The following CMTM4 variants were observed in gnomAD, a reference collection of about 807,000 sequenced individuals.
The protein encoded by CMTM4 is CKLF-like MARVEL transmembrane domain-containing protein 4.
Under a neutral mutation model 19.0 loss-of-function variants are expected in CMTM4, and 8 were observed. The observed-to-expected ratio is 0.42, with a 90% CI of 0.25 to 0.76. The LOEUF is 0.76. Ranked by LOEUF, CMTM4 falls within the 30% of genes least tolerant of loss-of-function variation. The pLI is 0.27. For missense variants in CMTM4, 228 were observed against 290.2 expected (o/e 0.79, Z 1.56); for synonymous variants, 106 against 121.1 (o/e 0.88, Z 0.82).
chr16:66,607,886 C>T, the CMTM4 span, among the ~76,000 whole-genome samples: 373 of 151,642 alleles, frequency 2.5e-3, 2 homozygotes, highest in African/African-American at 8.6e-3. Context: ...TCTCTCTCAC[C>T]CAGGATGGAG....
intron 1 of CMTM4, among the ~76,000 whole-genome samples, chr16:66,655,025 T>C (rs1478441473): frequency 1.3e-5 from 2 of 152,118 alleles, no homozygotes; most frequent in Non-Finnish European, 2.9e-5. Context: ...AGACAGAGTC[T>C]CACTCTGTCA....
chr16:66,676,226 T>C (rs2016808409), intron 1 of CMTM4, among the ~76,000 whole-genome samples: 1 of 151,062 alleles, frequency 6.6e-6, no homozygotes, highest in African/African-American at 2.4e-5. Context: ...CTGAGTTGGT[T>C]AAATACTTGC....
intron 1 of CMTM4, among the ~76,000 whole-genome samples, chr16:66,653,734 G>A (rs1306459831): frequency 6.6e-6 from 1 of 152,036 alleles, no homozygotes; most frequent in Non-Finnish European, 1.5e-5. Flanking sequence ...GGTTGGTTGG[G>A]TTTTGTTTGT....
chr16:66,639,156 A>G (rs1267666268), intron 1 of CMTM4, among the ~76,000 whole-genome samples: 1 of 152,214 alleles, frequency 6.6e-6, no homozygotes, highest in Admixed American at 6.5e-5. Context: ...TCTGAATTAC[A>G]TGCCTAACTT....
At chr16:66,682,832 A>C (rs1345584230) in intron 1 of CMTM4, among the ~76,000 whole-genome samples, 1 of 152,040 alleles carries the variant, frequency 6.6e-6, no homozygotes, top group Admixed American at 6.6e-5. Context: ...TGACAGATAC[A>C]AGCCTCTCTC....
the CMTM4 span, chr16:66,604,709 C>T: frequency 3.0e-6 from 3 of 985,770 alleles, no homozygotes; most frequent in African/African-American, 1.7e-5. Context: ...GAGCCAGTGT[C>T]GCCTGCCCTC....
chr16:66,673,188 G>A (rs899931680), intron 1 of CMTM4, among the ~76,000 whole-genome samples: 3 of 140,048 alleles, frequency 2.1e-5, no homozygotes, highest in African/African-American at 5.3e-5. Context: ...TGGGATCACA[G>A]ATGTGAGCCA....
chr16:66,683,131 A>ATATATATATATACGTATATATATATACG (rs2016947877), intron 1 of CMTM4, among the ~76,000 whole-genome samples: 1 of 115,196 alleles, frequency 8.7e-6, no homozygotes, highest in African/African-American at 3.4e-5. Context: ...GTGTGTGTGT[A>ATATATATATATACGTATATATATATACG]TATATATATA....
chr16:66,664,430 G>A (rs940430887), intron 1 of CMTM4, among the ~76,000 whole-genome samples: 2 of 152,032 alleles, frequency 1.3e-5, no homozygotes, highest in Non-Finnish European at 2.9e-5. Context: ...AATTCTTCTC[G>A]AGTTATTTCA....
At chr16:66,662,627 G>C (rs755746828) in intron 1 of CMTM4, among the ~76,000 whole-genome samples, 1 of 152,070 alleles carries the variant, frequency 6.6e-6, no homozygotes, top group Non-Finnish European at 1.5e-5. Flanking sequence ...AGAGGAACCC[G>C]AGTTCTTAGG....
At chr16:66,629,578 T>C (rs1411073096) in intron 2 of CMTM4, among the ~76,000 whole-genome samples, 1 of 152,236 alleles carries the variant, frequency 6.6e-6, no homozygotes, top group Non-Finnish European at 1.5e-5. Flanking sequence ...TCTTTTGTTA[T>C]TCATAATGAG....
At position 66,619,004 on chromosome 16, in the gene CMTM4, T is replaced by C; in HGVS notation, c.*3054A>G. ...GTGCAGGCTGCCACATTCTTGCTTT[T>C]TCTGTAGACAAAAGTCACCTCCCTC... is the stretch of plus-strand genomic sequence containing the variant. On this transcript the variant is annotated 3_prime_UTR_variant, in exon 4 of 4. Coordinates refer to ENST00000394106, the MANE Select transcript of CMTM4 (RefSeq NM_181521.3). 1.0e-6 allele frequency: 1 copy of C among 985,482 alleles called. No individual in the cohort carries two copies. The highest frequency in any genetic ancestry group is 1.2e-6 in the Non-Finnish European group (1 of 829,942). 61.0% of individuals were successfully genotyped at this position (985,482 alleles called of 1,614,324 possible).
intron 1 of CMTM4, among the ~76,000 whole-genome samples, chr16:66,671,092 A>T (rs1209414115): frequency 6.6e-6 from 1 of 152,156 alleles, no homozygotes; most frequent in Non-Finnish European, 1.5e-5. Flanking sequence ...TATTCAAGAT[A>T]AAAAAACTGA....
the CMTM4 span, chr16:66,605,348 GGGCCGGGGCCTC>G: frequency 1.2e-5 from 2 of 161,564 alleles, no homozygotes; most frequent in East Asian, 3.5e-4. This position sits in a 1 kb window ranked among gnomAD's most constrained non-coding sequence, Gnocchi z 4.6. Context: ...CGGGTAGTGC[GGGCCGGGGCCTC>G]GACCTGCGGG....
chr16:66,656,680 T>C (rs779885616), intron 1 of CMTM4, among the ~76,000 whole-genome samples: 1 of 149,898 alleles, frequency 6.7e-6, no homozygotes, highest in Non-Finnish European at 1.5e-5. Flanking sequence ...AACTCAACAG[T>C]GGAGAATCTG....
At chr16:66,678,045 G>A (rs1314265136) in intron 1 of CMTM4, among the ~76,000 whole-genome samples, 2 of 152,040 alleles carry the variant, frequency 1.3e-5, no homozygotes, top group East Asian at 1.9e-4. Context: ...AGGTGTGGTG[G>A]CACGTGCCTA....
downstream of CMTM4, chr16:66,609,932 T>C: frequency 6.2e-7 from 1 of 1,614,140 alleles, no homozygotes; most frequent in Non-Finnish European, 8.5e-7. This position sits in a 1 kb window ranked among gnomAD's most constrained non-coding sequence, Gnocchi z 4.4. Flanking sequence ...TTCTACCTGA[T>C]CTTTAACGAC....
In CMTM4 at chr16:66,620,531, G is replaced by A; in HGVS notation, c.*1527C>T. On this transcript the variant is annotated 3_prime_UTR_variant, in exon 4 of 4. Coordinates refer to ENST00000394106, the MANE Select transcript of CMTM4 (RefSeq NM_181521.3). Reference sequence around the variant, plus strand: ...GAGCTCAGATGCTGTCCTTTTCTGGGGAATGAGACGCCACATGTCCATAAG... The same window carrying A: ...GAGCTCAGATGCTGTCCTTTTCTGGAGAATGAGACGCCACATGTCCATAAG... 1 of 985,410 alleles carries A rather than the reference G, an allele frequency of 1.0e-6. No individual in the cohort carries two copies. The highest frequency in any genetic ancestry group is 4.7e-5 in the South Asian group (1 of 21,280). The allele number at this position is 985,410 out of a possible 1,614,324, so 61.0% of individuals were successfully genotyped here.
rs2017102352 is a variant in CMTM4, at chr16:66,689,737, C to T, written c.186+6603G>A. The stretch of plus-strand genomic sequence containing the variant: ...TTTTAAGTTATTAATATGGTGTACA[C>T]CTATAACATTTACTTTCAAAAACTG... On this transcript the variant is annotated intron_variant, in intron 1 of 3. Transcript: ENST00000394106. Among the ~76,000 whole-genome samples the T allele has an allele frequency of 2.6e-5, 4 of 152,102 alleles. No individual in the cohort carries two copies. In the South Asian group the frequency reaches 8.3e-4, roughly 32 times the overall value.
Sources: allele counts gnomAD v4.1 joint callset (sites outside exome capture counted in the v4.1 genomes callset), GRCh38; gene constraint gnomAD v4.1.1; non-coding constraint Gnocchi (gnomAD v3.1); transcripts MANE v1.5; gene names NCBI Gene and HGNC (gene_info 2026-07-23, HGNC 2026-07-21).